The following UBASH3B variants were observed in gnomAD, a reference collection of about 807,000 sequenced individuals.
UBASH3B encodes ubiquitin-associated and SH3 domain-containing protein B.
A neutral mutation model predicts 83.4 loss-of-function variants in UBASH3B; 37 were observed. The ratio of observed to expected loss-of-function variants is 0.44; its 90% CI spans 0.34 to 0.58. The LOEUF is 0.58. Among genes scored for constraint, UBASH3B ranks in the 20% least tolerant of loss-of-function variants. The pLI is 0.01. For synonymous variants in UBASH3B, 304 were observed against 318.3 expected (o/e 0.96, Z 0.48); for missense variants, 657 against 827.2 (o/e 0.79, Z 2.52).
At chr11:122,657,152 C>T (rs1463626732) in intron 1 of UBASH3B, among the ~76,000 whole-genome samples, 2 of 152,206 alleles carry the variant, frequency 1.3e-5, no homozygotes, top group African/African-American at 2.4e-5. Context: ...GCCTGGCGTC[C>T]GGACTGGGCG....
intron 1 of UBASH3B, among the ~76,000 whole-genome samples, chr11:122,774,431 C>T (rs1175961780): frequency 6.6e-6 from 1 of 152,236 alleles, no homozygotes; most frequent in Non-Finnish European, 1.5e-5. Flanking sequence ...GCCATCACCC[C>T]AGCCAGGCTG....
intron 1 of UBASH3B, among the ~76,000 whole-genome samples, chr11:122,660,679 T>C (rs917670196): frequency 2.6e-5 from 4 of 152,240 alleles, no homozygotes; most frequent in Admixed American, 1.3e-4. Context: ...GGGCTGATGC[T>C]GGGCCTTGGA....
chr11:122,684,141 C>T (rs906597340), intron 1 of UBASH3B, among the ~76,000 whole-genome samples: 7 of 152,174 alleles, frequency 4.6e-5, no homozygotes, highest in Non-Finnish European at 8.8e-5. Context: ...TGAGATGAGA[C>T]ATTTTGTCCT....
At chr11:122,694,954 C>CTTTTTTTTTTTTTTTTTTTTTTTTTT (rs71054088) in intron 1 of UBASH3B, among the ~76,000 whole-genome samples, 1 of 50,414 alleles carries the variant, frequency 2.0e-5, no homozygotes, top group Non-Finnish European at 3.6e-5. Flanking sequence ...TCTTTTCTTT[C>CTTTTTTTTTTTTTTTTTTTTTTTTTT]TTTTTTTTTT....
intron 1 of UBASH3B, among the ~76,000 whole-genome samples, chr11:122,717,775 C>T (rs901020528): frequency 6.0e-4 from 92 of 152,192 alleles, no homozygotes; most frequent in Admixed American, 6.5e-4. Context: ...TCACAGGGGG[C>T]CCGGTCAACC....
chr11:122,796,819 A>G lies in UBASH3B; in HGVS notation c.1235-92A>G, dbSNP rs78823123. On this transcript the variant is annotated intron_variant, in intron 8 of 13. Transcript: ENST00000284273. The stretch of plus-strand genomic sequence containing the variant: ...CTCAGTGTGATCTCTTTGGCCAAGA[A>G]GGAATGGGGGTGGAGAGTGTCAGGA... 3,046 of 1,570,398 alleles carry G rather than the reference A, an allele frequency of 1.9e-3. 50 individuals carry two copies. The African/African-American group carries it at 0.036, about 19-fold the overall frequency.
At chr11:122,656,291 A>G in intron 1 of UBASH3B, 81 bp downstream of exon 1, 1 of 1,258,156 alleles carries the variant, frequency 7.9e-7, no homozygotes, top group Non-Finnish European at 1.0e-6. Flanking sequence ...CTCGCCTCCC[A>G]GCGCCTGCGG....
chr11:122,688,832 G>T (rs1863846534), intron 1 of UBASH3B, among the ~76,000 whole-genome samples: 1 of 152,052 alleles, frequency 6.6e-6, no homozygotes, highest in African/African-American at 2.4e-5. Flanking sequence ...TTTTAGTAGA[G>T]ACGGGGTTTC....
intron 1 of UBASH3B, among the ~76,000 whole-genome samples, chr11:122,752,728 G>A (rs1247233462): frequency 2.0e-5 from 3 of 152,270 alleles, no homozygotes; most frequent in East Asian, 1.9e-4. Context: ...AGGGAGAGCC[G>A]TTGAAAGAGG....
intron 13 of UBASH3B, among the ~76,000 whole-genome samples, chr11:122,809,057 G>T: frequency 6.6e-6 from 1 of 151,196 alleles, no homozygotes. Flanking sequence ...AGAAATGTTT[G>T]AGCTGACTTT....
At chr11:122,668,554 G>T (rs1162785222) in intron 1 of UBASH3B, among the ~76,000 whole-genome samples, 2 of 152,098 alleles carry the variant, frequency 1.3e-5, no homozygotes, top group Non-Finnish European at 2.9e-5. Flanking sequence ...ATAGACAGTA[G>T]TCTCAGTCAC....
intron 1 of UBASH3B, among the ~76,000 whole-genome samples, chr11:122,699,651 C>G (rs985602597): frequency 6.6e-6 from 1 of 150,978 alleles, no homozygotes; most frequent in Non-Finnish European, 1.5e-5. Context: ...GGTGCAATCT[C>G]TGGTTACTGC....
At chr11:122,741,020 A>G (rs1894088) in intron 1 of UBASH3B, among the ~76,000 whole-genome samples, 147,321 of 152,246 alleles carry the variant, frequency 0.97, 71,435 homozygotes, top group Middle Eastern at 0.99. Context: ...AGCGCATATT[A>G]ACATATAAAT....
chr11:122,662,329 A>G (rs1863455299), intron 1 of UBASH3B, among the ~76,000 whole-genome samples: 2 of 152,178 alleles, frequency 1.3e-5, no homozygotes, highest in South Asian at 4.1e-4. Flanking sequence ...TACAAGACAC[A>G]GTACGTTCAC....
At chr11:122,776,560 A>G (rs1860738376) in intron 2 of UBASH3B, among the ~76,000 whole-genome samples, 1 of 152,148 alleles carries the variant, frequency 6.6e-6, no homozygotes, top group Non-Finnish European at 1.5e-5. Flanking sequence ...AGGGGTATGG[A>G]TATTGAGAAA....
intron 1 of UBASH3B, among the ~76,000 whole-genome samples, chr11:122,723,147 G>A (rs1805471877): frequency 6.6e-6 from 1 of 152,120 alleles, no homozygotes; most frequent in African/African-American, 2.4e-5. Context: ...TTTTAATTCA[G>A]TAGGCTTAAG....
chr11:122,805,150 G>A (rs1861316292), intron 11 of UBASH3B, among the ~76,000 whole-genome samples: 1 of 152,220 alleles, frequency 6.6e-6, no homozygotes, highest in African/African-American at 2.4e-5. Flanking sequence ...CACAATCATG[G>A]CGGAAGGCAA....
Position 122,794,741 on chromosome 11 carries a change from C to G in UBASH3B, c.1020C>G (p.Leu340=), listed in dbSNP as rs1457011394. 6.2e-7 allele frequency: 1 copy of G among 1,614,040 alleles called. No individual in the cohort carries two copies. The highest frequency in any genetic ancestry group is 8.5e-7 in the Non-Finnish European group (1 of 1,180,040). Residue 340 remains leucine, a synonymous_variant, in exon 7 of 14, where the codon CTC becomes CTG. Coordinates refer to ENST00000284273, the MANE Select transcript of UBASH3B (RefSeq NM_032873.5). The part of the protein sequence containing the change: ...SILNTSSSNS[L]TFGDGVLERR... ...TAAATACATCGTCATCCAACTCTCT[C>G]ACGTTTGGGGATGGAGTATTGGAGA...
At chr11:122,745,872 C>T (rs1352223314) in intron 1 of UBASH3B, among the ~76,000 whole-genome samples, 2 of 152,222 alleles carry the variant, frequency 1.3e-5, no homozygotes, top group East Asian at 3.9e-4. Context: ...GACCCACCTG[C>T]ATGCTTTAAA....
Sources: gnomAD v4.1 joint callset for allele counts (sites outside exome capture counted in the v4.1 genomes callset) on GRCh38, gnomAD v4.1.1 for gene constraint, MANE v1.5 for transcripts, NCBI Gene and HGNC (gene_info 2026-07-23, HGNC 2026-07-21) for gene names.